AGMAT: variants seen among roughly 807,000 people sequenced by gnomAD.
AGMAT encodes the protein guanidino acid hydrolase, mitochondrial.
A neutral mutation model predicts 29.3 loss-of-function variants in AGMAT; 37 were observed. The observed-to-expected ratio is 1.26, with a 90% CI of 0.97 to 1.66. The LOEUF (loss-of-function observed/expected upper bound fraction) is 1.66, where lower values mean the gene tolerates loss of function less well. Ranked by LOEUF, AGMAT falls within the 40% of genes most tolerant of loss-of-function variation. The probability of loss-of-function intolerance (pLI) is 0.00; values close to 1 mark genes in which losing one functional copy is unlikely to be tolerated. For missense variants in AGMAT, 498 were observed against 497.8 expected (o/e 1.00, Z 0.00); for synonymous variants, 199 against 200.8 (o/e 0.99, Z 0.08).
chr1:15,581,950 G>T (rs1639121127), intron 2 of AGMAT, among the ~76,000 whole-genome samples: 1 of 151,866 alleles, frequency 6.6e-6, no homozygotes, highest in Non-Finnish European at 1.5e-5. Flanking sequence ...AATAATAACA[G>T]TTAACATTTA....
intron 2 of AGMAT, among the ~76,000 whole-genome samples, chr1:15,582,322 G>C (rs1185549224): frequency 6.6e-6 from 1 of 151,910 alleles, no homozygotes; most frequent in African/African-American, 2.4e-5. Flanking sequence ...CATTTCATGT[G>C]CACTTTCATT....
chr1:15,575,133 G>C (rs749070755), intron 5 of AGMAT: 1 of 266,258 alleles, frequency 3.8e-6, no homozygotes, highest in Non-Finnish European at 7.5e-6. Context: ...TATCAGCATA[G>C]GTAATAGCCT....
chr1:15,576,885 GATTAC>G (rs1639047695), intron 5 of AGMAT, among the ~76,000 whole-genome samples: 1 of 151,092 alleles, frequency 6.6e-6, no homozygotes, highest in Admixed American at 6.6e-5. Flanking sequence ...GAGTAGCTGA[GATTAC>G]AGGCACCCGC....
At chr1:15,577,610 ATTCGC>A in intron 5 of AGMAT, 70 bp downstream of exon 5, 1 of 1,414,566 alleles carries the variant, frequency 7.1e-7, no homozygotes, top group Admixed American at 2.0e-5. Context: ...ATTCCTAAAG[ATTCGC>A]TTCAAGTCCC....
chr1:15,578,808 GGA>G, intron 4 of AGMAT, 49 bp downstream of exon 4: 1 of 1,590,128 alleles, frequency 6.3e-7, no homozygotes, highest in Non-Finnish European at 8.6e-7. Flanking sequence ...GTGAGGCAAC[GGA>G]GAGGAAGACA....
rs141052337 is a variant in AGMAT, at chr1:15,578,981, A to G, written c.598T>C (p.Tyr200His). ...TTDKALGEKLYHGAPFRRCVD... is the reference protein window; with the variant it reads ...TTDKALGEKLHHGAPFRRCVD... ...CACCGGCGGAAGGGCGCCCCGTGGTAGAGCTTCTCTCCTAGGGCCTTGTCG... is the reference window on the plus strand; with the variant it reads ...CACCGGCGGAAGGGCGCCCCGTGGTGGAGCTTCTCTCCTAGGGCCTTGTCG... Residue 200 changes from tyrosine to histidine, a missense_variant, in exon 4 of 7, where the codon TAC becomes CAC. By Grantham distance (83) the Tyr-to-His change is moderately conservative (BLOSUM62 2). Transcript: ENST00000375826. The G allele has an allele frequency of 6.2e-7, 1 of 1,613,668 alleles. No homozygotes were observed. Among genetic ancestry groups the G allele is most frequent in the African/African-American group, 1.3e-5 (1 of 74,916 alleles).
At chr1:15,578,261 G>T (rs944960562) in intron 4 of AGMAT, among the ~76,000 whole-genome samples, 1 of 152,008 alleles carries the variant, frequency 6.6e-6, no homozygotes, top group Non-Finnish European at 1.5e-5. Context: ...GAACTAAGAA[G>T]GTGGCAACTC....
At chr1:15,575,122 G>C (rs1193189801) in intron 5 of AGMAT, 1 of 310,116 alleles carries the variant, frequency 3.2e-6, no homozygotes, top group East Asian at 7.0e-5. Flanking sequence ...GCCCAGAATG[G>C]TATCAGCATA....
chr1:15,577,653 C>T (rs376214323), intron 5 of AGMAT, 32 bp downstream of exon 5: 1 of 1,583,516 alleles, frequency 6.3e-7, no homozygotes, highest in African/African-American at 1.3e-5. Context: ...GTGTCTCCAC[C>T]CCCAGGATCT....
rs199515690 is a variant in AGMAT at position 15,579,099 on chromosome 1, C to A, written c.525-45G>T. 30 of 1,580,288 alleles carry A rather than the reference C, an allele frequency of 1.9e-5. No homozygotes were observed. The East Asian group carries it at 5.9e-4, about 31-fold the overall frequency. On this transcript the variant is annotated intron_variant, in intron 3 of 6. Transcript: ENST00000375826. ...TCAGAGGCCAACCCTCCCTGTGGGG[C>A]CCTAGCACAGCCACCCTTCGGGCCA...
In AGMAT at chr1:15,577,694, A is replaced by T. The variant is rs1368797887; in HGVS notation, c.891T>A (p.Thr297=). The part of the protein sequence containing the change: ...GTGTPEIAGL[T]PSQALEIIRG... ...GGTGGAATCTCCTTACCTGACTAGG[A>T]GTGAGACCAGCAATTTCAGGTGTCC... Residue 297 remains threonine (T), a synonymous_variant, in exon 5 of 7, where the codon ACT becomes ACA. Coordinates refer to ENST00000375826, the MANE Select transcript of AGMAT (RefSeq NM_024758.5). 8 of 1,613,408 alleles carry T rather than the reference A, an allele frequency of 5.0e-6. No individual in the cohort carries two copies. In the South Asian group the frequency reaches 8.8e-5, roughly 18 times the overall value.
intron 2 of AGMAT, 111 bp from the exon 3 acceptor site, chr1:15,580,253 T>C: frequency 1.2e-6 from 1 of 850,514 alleles, no homozygotes; most frequent in Non-Finnish European, 1.8e-6. Flanking sequence ...TTGTCCAGGC[T>C]GGAGTTCAAT....
In AGMAT at chr1:15,584,901, C is replaced by A. The variant is rs1639166460; in HGVS notation, c.67G>T (p.Ala23Ser). The A allele has an allele frequency of 2.2e-6, 3 of 1,392,766 alleles. No homozygotes were observed. Among genetic ancestry groups the A allele is most frequent in the Non-Finnish European group, 2.8e-6 (3 of 1,081,484 alleles). 86.3% of individuals were successfully genotyped at this position (1,392,766 alleles called of 1,614,324 possible). A position where few individuals can be genotyped will look rare whatever the true frequency, so the allele number is the denominator to read the frequency against. The change falls in exon 1 of 7, where the codon GCA becomes TCA. Residue 23 changes from alanine (A) to serine (S), a missense_variant. Ala to Ser is a moderately conservative substitution (Grantham distance 99). Transcript: ENST00000375826. The stretch of plus-strand genomic sequence containing the variant: ...CGGCGCCCCGGATGAAAGAGCCCTG[C>A]GGCAGGACGCGCGCCCACGCCGGGC... ...PGPGVGARPA[A>S]GLFHPGRRQS...
chr1:15,583,477 C>G, intron 1 of AGMAT, 82 bp from the exon 2 acceptor site: 1 of 1,309,784 alleles, frequency 7.6e-7, no homozygotes, highest in Non-Finnish European at 1.1e-6. Flanking sequence ...TCAGCCTCAG[C>G]AATTTGGGGC....
At chr1:15,582,305 T>C (rs1431759739) in intron 2 of AGMAT, among the ~76,000 whole-genome samples, 1 of 152,138 alleles carries the variant, frequency 6.6e-6, no homozygotes, top group African/African-American at 2.4e-5. Context: ...CCATGCTTGA[T>C]GCTGGGCATT....
chr1:15,577,961 G>A, intron 4 of AGMAT, 97 bp from the exon 5 acceptor site: 1 of 1,178,662 alleles, frequency 8.5e-7, no homozygotes. Flanking sequence ...CATGACACTT[G>A]ACCCTCCATC....
At chr1:15,580,521 A>G (rs973939199) in intron 2 of AGMAT, among the ~76,000 whole-genome samples, 3 of 151,678 alleles carry the variant, frequency 2.0e-5, no homozygotes, top group Non-Finnish European at 4.4e-5. Context: ...TCTTAACTCA[A>G]TTTTCACCCT....
chr1:15,575,019 C>CTT, intron 5 of AGMAT, 178 bp from the exon 6 acceptor site: 1 of 551,880 alleles, frequency 1.8e-6, no homozygotes, highest in Non-Finnish European at 3.3e-6. Context: ...AATGCGTACA[C>CTT]AGTCCCTGCT....
intron 6 of AGMAT, 131 bp downstream of exon 6, chr1:15,574,626 C>T (rs61213091): frequency 0.23 from 171,310 of 737,282 alleles, 22,271 homozygotes; most frequent in African/African-American, 0.43. Flanking sequence ...GAGCTGCCCA[C>T]CTTGGCCTCC....
Sources: gnomAD v4.1 joint callset for allele counts (sites outside exome capture counted in the v4.1 genomes callset) on GRCh38, gnomAD v4.1.1 for gene constraint, MANE v1.5 for transcripts, NCBI Gene and HGNC (gene_info 2026-07-23, HGNC 2026-07-21) for gene names.